CADM2: variants seen among roughly 807,000 people sequenced by gnomAD.
CADM2 encodes cell adhesion molecule 2, also known as immunoglobulin superfamily member 4D.
CADM2 carries 12 observed loss-of-function variants against 49.8 expected under a neutral mutation model. That is an observed-to-expected ratio of 0.24 (90% confidence interval 0.15 to 0.39). CADM2 has a LOEUF of 0.39. CADM2 is among the 10% of genes least tolerant of loss of function. The probability of loss-of-function intolerance (pLI) is 1.00; values close to 1 mark genes in which losing one functional copy is unlikely to be tolerated. For synonymous variants in CADM2, 214 were observed against 175.4 expected, an observed-to-expected ratio of 1.22 and a Z score of -1.74; for missense variants, 378 against 492.3, an observed-to-expected ratio of 0.77 and a Z score of 2.20.
chr3:85,959,014 C>A (rs1455481367), intron 7 of CADM2, among the ~76,000 whole-genome samples: 1 of 150,988 alleles, frequency 6.6e-6, no homozygotes, highest in Non-Finnish European at 1.5e-5. Context: ...TTTCGTGGAA[C>A]TTAAATTAAA....
chr3:85,489,188 T>A (rs570639988), intron 1 of CADM2, among the ~76,000 whole-genome samples: 45 of 152,290 alleles, frequency 3.0e-4, no homozygotes, highest in Non-Finnish European at 3.2e-4. Context: ...ATCATTTTTA[T>A]AAGTTGAAAT....
intron 1 of CADM2, among the ~76,000 whole-genome samples, chr3:85,089,399 C>T (rs1461784995): frequency 6.6e-6 from 1 of 152,070 alleles, no homozygotes; most frequent in Non-Finnish European, 1.5e-5. Context: ...GTATTTTAAA[C>T]TTGATACAAT....
At chr3:85,787,106 C>T (rs1352603353) in intron 2 of CADM2, among the ~76,000 whole-genome samples, 1 of 151,792 alleles carries the variant, frequency 6.6e-6, no homozygotes, top group Non-Finnish European at 1.5e-5. Flanking sequence ...AGTTTATAAG[C>T]CAGCAATAAA....
chr3:85,070,106 A>G (rs991696282), intron 1 of CADM2, among the ~76,000 whole-genome samples: 1 of 152,154 alleles, frequency 6.6e-6, no homozygotes, highest in Non-Finnish European at 1.5e-5. Context: ...TTACATAAAT[A>G]TTCATAACAT....
intron 1 of CADM2, among the ~76,000 whole-genome samples, chr3:85,695,051 C>T (rs764695933): frequency 2.0e-5 from 3 of 152,130 alleles, no homozygotes; most frequent in Non-Finnish European, 2.9e-5. Context: ...TCTAATGTCT[C>T]GTGTTTTTCA....
intron 7 of CADM2, among the ~76,000 whole-genome samples, chr3:85,938,433 A>G (rs1030884697): frequency 6.6e-6 from 1 of 152,096 alleles, no homozygotes; most frequent in Non-Finnish European, 1.5e-5. Context: ...ATCAACTTCA[A>G]AAAATGAATC....
intron 1 of CADM2, among the ~76,000 whole-genome samples, chr3:85,490,080 A>C (rs1244192695): frequency 6.6e-6 from 1 of 152,108 alleles, no homozygotes; most frequent in African/African-American, 2.4e-5. Context: ...TAATTAGAGA[A>C]CTTTGTAAAA....
chr3:85,148,557 C>G (rs181668964), intron 1 of CADM2, among the ~76,000 whole-genome samples: 344 of 152,216 alleles, frequency 2.3e-3, no homozygotes, highest in African/African-American at 7.8e-3. Context: ...AAAGAACTCT[C>G]ACAAAACAAC....
Position 85,384,222 on chromosome 3 carries a change from A to G in CADM2, c.62-342300A>G, listed in dbSNP as rs1046652321. Among the ~76,000 whole-genome samples, 3 of 128,962 alleles carry G rather than the reference A, an allele frequency of 2.3e-5. No homozygotes were observed. In the South Asian group the frequency reaches 6.2e-4, roughly 27 times the overall value. 84.6% of individuals were successfully genotyped at this position (128,962 alleles called of 152,430 possible). A position where few individuals can be genotyped will look rare whatever the true frequency, so the allele number is the denominator to read the frequency against. On this transcript the variant is annotated intron_variant, in intron 1 of 9. Coordinates refer to ENST00000383699, the MANE Select transcript of CADM2 (RefSeq NM_001167675.2). Reference sequence around the variant, plus strand: ...GTTATATATTTTTTGCTGATTATGTAGAGAGTATCCATATATCTTATAGAA... The same window carrying G: ...GTTATATATTTTTTGCTGATTATGTGGAGAGTATCCATATATCTTATAGAA...
Position 85,714,719 on chromosome 3 carries a change from C to T in CADM2, c.62-11803C>T, listed in dbSNP as rs983853094. On this transcript the variant is annotated intron_variant, in intron 1 of 9. Transcript: ENST00000383699. ...TGCTGGGATTACACGTGTGAGCCACCGCGCCTGGCCCTGTTTATCTATTTT... is the reference window on the plus strand; with the variant it reads ...TGCTGGGATTACACGTGTGAGCCACTGCGCCTGGCCCTGTTTATCTATTTT... 6.6e-5 allele frequency among the ~76,000 whole-genome samples: 10 copies of T among 152,156 alleles called. No individual in the cohort carries two copies. The East Asian group carries it at 1.5e-3, about 24-fold the overall frequency.
chr3:85,788,698 T>C (rs1275668546), intron 2 of CADM2, among the ~76,000 whole-genome samples: 2 of 151,932 alleles, frequency 1.3e-5, no homozygotes, highest in African/African-American at 4.8e-5. Context: ...TCATTTGGAA[T>C]TAGGAAAAAC....
chr3:85,003,487 T>C (rs1205229870), intron 1 of CADM2, among the ~76,000 whole-genome samples: 2 of 152,112 alleles, frequency 1.3e-5, no homozygotes, highest in African/African-American at 2.4e-5. Context: ...TGGTGAAAGA[T>C]AGGGATCAAA....
In CADM2 at chr3:85,883,337, A is replaced by G. The variant is rs1399999519; in HGVS notation, c.285A>G (p.Glu95=). Residue 95 remains glutamate (E), a synonymous_variant, in exon 4 of 10, where the codon GAA becomes GAG. Coordinates refer to ENST00000383699, the MANE Select transcript of CADM2 (RefSeq NM_001167675.2). ...AGCTGGTTCGCGCTTCCTGGCATGA[A>G]TTGAGTATTAGTGTCAGTGATGTGT... is the stretch of plus-strand genomic sequence containing the variant. ...RIELVRASWH[E]LSISVSDVSL... The G allele has an allele frequency of 1.9e-6, 3 of 1,613,792 alleles. No individual in the cohort carries two copies. The highest frequency in any genetic ancestry group is 2.2e-5 in the South Asian group (2 of 91,054).
At chr3:85,429,437 T>C (rs985488860) in intron 1 of CADM2, among the ~76,000 whole-genome samples, 1 of 152,126 alleles carries the variant, frequency 6.6e-6, no homozygotes, top group African/African-American at 2.4e-5. Context: ...TCAACTGGTA[T>C]AGGGTTTTAA....
intron 1 of CADM2, among the ~76,000 whole-genome samples, chr3:85,454,246 G>T (rs187693128): frequency 6.6e-6 from 1 of 151,972 alleles, no homozygotes; most frequent in Non-Finnish European, 1.5e-5. Flanking sequence ...AAGGAGAATC[G>T]CTTGAACCCG....
chr3:85,561,377 T>C (rs1559910965), intron 1 of CADM2, among the ~76,000 whole-genome samples: 1 of 152,178 alleles, frequency 6.6e-6, no homozygotes, highest in Non-Finnish European at 1.5e-5. Flanking sequence ...GGCAGAATGT[T>C]TGATGTTCGA....
intron 1 of CADM2, among the ~76,000 whole-genome samples, chr3:85,614,095 G>A (rs2063741290): frequency 6.6e-6 from 1 of 151,474 alleles, no homozygotes; most frequent in Non-Finnish European, 1.5e-5. Context: ...AAAATATAAA[G>A]ATAATAATAC....
intron 1 of CADM2, among the ~76,000 whole-genome samples, chr3:85,428,712 AT>A (rs1443320930): frequency 6.7e-6 from 1 of 148,392 alleles, no homozygotes; most frequent in Non-Finnish European, 1.5e-5. Flanking sequence ...ACTAATACAT[AT>A]TCCCATAGGT....
intron 2 of CADM2, among the ~76,000 whole-genome samples, chr3:85,758,537 CACAG>C (rs575432776): frequency 1.2e-3 from 186 of 152,168 alleles, no homozygotes; most frequent in Non-Finnish European, 2.1e-3. Context: ...CTTTATAAAA[CACAG>C]ACAAATTTAT....
Sources: allele counts gnomAD v4.1 joint callset (sites outside exome capture counted in the v4.1 genomes callset), GRCh38; gene constraint gnomAD v4.1.1; transcripts MANE v1.5; gene names NCBI Gene and HGNC (gene_info 2026-07-23, HGNC 2026-07-21).